The following RANBP2 variants were observed in gnomAD, a reference collection of about 807,000 sequenced individuals.
RANBP2 encodes E3 SUMO-protein ligase RanBP2.
A neutral mutation model predicts 303.6 loss-of-function variants in RANBP2; 57 were observed. The observed-to-expected ratio is 0.19, with a 90% CI of 0.15 to 0.23. The LOEUF (loss-of-function observed/expected upper bound fraction) is 0.23. Among genes scored for constraint, RANBP2 ranks in the 10% least tolerant of loss-of-function variants. The pLI is 1.00. For missense variants in RANBP2, 3,138 were observed against 3,780.8 expected, an observed-to-expected ratio of 0.83 and a Z score of 4.46; for synonymous variants, 1,167 against 1,301.5, an observed-to-expected ratio of 0.90 and a Z score of 2.23.
At chr2:108,935,600 T>C in the RANBP2 span, among the ~76,000 whole-genome samples, 1 of 152,202 alleles carries the variant, frequency 6.6e-6, no homozygotes, top group African/African-American at 2.4e-5. Flanking sequence ...CCTCTTTAAG[T>C]TCTGGCCTTC....
chr2:109,477,910 C>T, the RANBP2 span, among the ~76,000 whole-genome samples: 1 of 152,116 alleles, frequency 6.6e-6, no homozygotes, highest in Non-Finnish European at 1.5e-5. Context: ...GTGCAGCAGC[C>T]CCACACCCTT....
chr2:109,192,395 G>C, the RANBP2 span, among the ~76,000 whole-genome samples: 332 of 152,294 alleles, frequency 2.2e-3, 1 homozygote, highest in African/African-American at 7.4e-3. Context: ...AGTATTTATA[G>C]CATATGTTAC....
the RANBP2 span, among the ~76,000 whole-genome samples, chr2:109,388,224 T>A: frequency 6.6e-6 from 1 of 152,348 alleles, no homozygotes; most frequent in South Asian, 2.1e-4. Context: ...CCATAGTAAC[T>A]GAGTTGTCTT....
chr2:108,950,238 T>TC, the RANBP2 span, among the ~76,000 whole-genome samples: 1 of 88,790 alleles, frequency 1.1e-5, no homozygotes, highest in East Asian at 3.1e-4. Context: ...CCTCCCTCCC[T>TC]CCTCCCTCCC....
chr2:109,041,470 T>G, the RANBP2 span, among the ~76,000 whole-genome samples: 293 of 152,246 alleles, frequency 1.9e-3, no homozygotes, highest in African/African-American at 6.6e-3. Flanking sequence ...ATTAGCATGT[T>G]ATTTCTATTT....
the RANBP2 span, among the ~76,000 whole-genome samples, chr2:109,173,110 A>G: frequency 1.3e-5 from 2 of 152,222 alleles, no homozygotes; most frequent in Admixed American, 6.5e-5. Context: ...TCAATAAATG[A>G]ACATCTTTTT....
chr2:109,179,239 G>A, the RANBP2 span, among the ~76,000 whole-genome samples: 3 of 152,120 alleles, frequency 2.0e-5, no homozygotes, highest in East Asian at 1.9e-4. Context: ...TCTGACATGT[G>A]ATCCTTTTTA....
chr2:108,858,189 T>C, the RANBP2 span, among the ~76,000 whole-genome samples: 1 of 152,072 alleles, frequency 6.6e-6, no homozygotes, highest in Non-Finnish European at 1.5e-5. Context: ...ACTAAAAATA[T>C]AAAAATTAGC....
chr2:109,104,414 T>A, the RANBP2 span, among the ~76,000 whole-genome samples: 1 of 150,950 alleles, frequency 6.6e-6, no homozygotes, highest in Non-Finnish European at 1.5e-5. Flanking sequence ...TTTCTTTGGG[T>A]CTTTTTGACC....
chr2:109,335,485 C>G, the RANBP2 span, among the ~76,000 whole-genome samples: 1 of 152,196 alleles, frequency 6.6e-6, no homozygotes, highest in Non-Finnish European at 1.5e-5. Flanking sequence ...GACTAGCCCT[C>G]GCTCATCCAC....
At chr2:108,830,812 T>TA in the RANBP2 span, among the ~76,000 whole-genome samples, 1 of 145,816 alleles carries the variant, frequency 6.9e-6, no homozygotes, top group Non-Finnish European at 1.5e-5. Context: ...CCGTCTCAAA[T>TA]AAAAAACAAA....
At chr2:108,894,804 A>C in the RANBP2 span, 1 of 152,240 alleles carries the variant, frequency 6.6e-6, no homozygotes, top group African/African-American at 2.4e-5. Context: ...CTCCCTAAAA[A>C]TGGCAGGTGG....
the RANBP2 span, among the ~76,000 whole-genome samples, chr2:109,607,646 ATG>A: frequency 6.6e-6 from 1 of 152,174 alleles, no homozygotes; most frequent in Non-Finnish European, 1.5e-5. Context: ...TTTTATTTAA[ATG>A]TAATTTTTCT....
intron 1 of RANBP2, among the ~76,000 whole-genome samples, chr2:108,721,451 TA>T (rs1007062072): frequency 1.2e-4 from 19 of 152,188 alleles, no homozygotes; most frequent in Non-Finnish European, 2.2e-4. Flanking sequence ...TGTGTTATTT[TA>T]TTTTTTTTGA....
At chr2:109,264,548 G>A in the RANBP2 span, among the ~76,000 whole-genome samples, 1 of 152,384 alleles carries the variant, frequency 6.6e-6, no homozygotes, top group South Asian at 2.1e-4. Flanking sequence ...CAGGGCCAAA[G>A]CCAGGCTTTT....
At chr2:109,552,558 T>C in the RANBP2 span, 3 of 152,342 alleles carry the variant, frequency 2.0e-5, no homozygotes, top group African/African-American at 7.2e-5. Flanking sequence ...AAGGTCATAG[T>C]TTGGGAAGCA....
the RANBP2 span, among the ~76,000 whole-genome samples, chr2:109,146,717 A>G: frequency 9.9e-5 from 15 of 152,178 alleles, no homozygotes; most frequent in East Asian, 2.7e-3. Context: ...GGGGGGCCCC[A>G]TAGAGTCTAC....
At chr2:109,600,435 T>C in the RANBP2 span, among the ~76,000 whole-genome samples, 2 of 151,956 alleles carry the variant, frequency 1.3e-5, no homozygotes, top group Non-Finnish European at 1.5e-5. Flanking sequence ...AATATCTTCA[T>C]GATAAATTCC....
chr2:109,739,685 G>A, the RANBP2 span, among the ~76,000 whole-genome samples: 35 of 152,006 alleles, frequency 2.3e-4, no homozygotes, highest in Admixed American at 1.6e-3. Context: ...ATAATTTTAC[G>A]TCTTCCTTTC....
Sources: gnomAD v4.1 joint callset for allele counts (sites outside exome capture counted in the v4.1 genomes callset) on GRCh38, gnomAD v4.1.1 for gene constraint, MANE v1.5 for transcripts, NCBI Gene and HGNC (gene_info 2026-07-23, HGNC 2026-07-21) for gene names.